ANK2: variants seen among roughly 807,000 people sequenced by gnomAD.
ANK2 encodes ankyrin-2.
Under a neutral mutation model 360.5 loss-of-function variants are expected in ANK2, and 83 were observed. The ratio of observed to expected loss-of-function variants is 0.23; its 90% confidence interval spans 0.19 to 0.28. The LOEUF (loss-of-function observed/expected upper bound fraction) is 0.28. Among genes scored for constraint, ANK2 ranks in the 10% least tolerant of loss-of-function variants. The pLI is 1.00. For missense variants in ANK2, 4,201 were observed against 4,795.7 expected, an observed-to-expected ratio of 0.88 and a Z score of 3.66; for synonymous variants, 1,740 against 1,759.5, an observed-to-expected ratio of 0.99 and a Z score of 0.28.
intron 1 of ANK2, among the ~76,000 whole-genome samples, chr4:113,124,105 C>G (rs533540276): frequency 6.6e-6 from 1 of 152,150 alleles, no homozygotes; most frequent in East Asian, 1.9e-4. Context: ...TAAGCTCAAA[C>G]AGGTGGAGAA....
chr4:112,788,171 C>A, the ANK2 span: 3 of 1,583,852 alleles, frequency 1.9e-6, no homozygotes, highest in South Asian at 3.3e-5. Context: ...GATGTTGCCA[C>A]CCCAGTGACG....
In ANK2 at chr4:113,300,075, T is replaced by C. The variant is rs749038586; in HGVS notation, c.2476-2692T>C. On this transcript the variant is annotated intron_variant, in intron 22 of 45. Coordinates refer to ENST00000357077, the MANE Select transcript of ANK2 (RefSeq NM_001148.6). ...AAAATTTATAATATTAAAATAATAA[T>C]CAAATTGTATATTATAATAGTCTTT... Among the ~76,000 whole-genome samples, 21 of 152,110 alleles carry C rather than the reference T, an allele frequency of 1.4e-4. No homozygotes were observed. In the East Asian group the frequency reaches 2.3e-3, roughly 17 times the overall value.
chr4:112,872,026 AT>A (rs752922331), intron 1 of ANK2, among the ~76,000 whole-genome samples: 1,999 of 121,544 alleles, frequency 0.016, 16 homozygotes, highest in East Asian at 0.04. Flanking sequence ...TTGCATCTGT[AT>A]TTTTTTTTTT....
At chr4:112,734,229 C>A in the ANK2 span, among the ~76,000 whole-genome samples, 1 of 152,154 alleles carries the variant, frequency 6.6e-6, no homozygotes, top group Non-Finnish European at 1.5e-5. Context: ...CAATTTTAAG[C>A]CTACTCACAG....
chr4:113,284,235 C>T (rs1056796408), intron 18 of ANK2, among the ~76,000 whole-genome samples: 1 of 152,234 alleles, frequency 6.6e-6, no homozygotes, highest in South Asian at 2.1e-4. Context: ...TGACTGTTGA[C>T]GTCATGTCAT....
At chr4:112,805,676 G>T in the ANK2 span, among the ~76,000 whole-genome samples, 3 of 151,578 alleles carry the variant, frequency 2.0e-5, no homozygotes, top group Admixed American at 2.0e-4. Context: ...CTGCCTCCCG[G>T]GTTCAAGCGA....
intron 1 of ANK2, among the ~76,000 whole-genome samples, chr4:112,851,599 G>A (rs1425712255): frequency 1.1e-4 from 16 of 151,828 alleles, no homozygotes; most frequent in African/African-American, 7.3e-5. Context: ...CCATAGAGTC[G>A]AATATTAAAG....
intron 45 of ANK2, among the ~76,000 whole-genome samples, chr4:113,380,818 T>C (rs1379060632): frequency 6.6e-6 from 1 of 152,210 alleles, no homozygotes; most frequent in Non-Finnish European, 1.5e-5. Flanking sequence ...CAATGGCTTT[T>C]CTCTTTTCCC....
At chr4:113,144,960 C>T (rs1246137260) in intron 1 of ANK2, among the ~76,000 whole-genome samples, 1 of 151,690 alleles carries the variant, frequency 6.6e-6, no homozygotes, top group East Asian at 1.9e-4. Context: ...TTGCTATGCT[C>T]ATCTCAGTGG....
chr4:112,913,174 T>A (rs974215390), intron 2 of ANK2, among the ~76,000 whole-genome samples: 2 of 152,182 alleles, frequency 1.3e-5, no homozygotes, highest in African/African-American at 4.8e-5. Context: ...TCCAAATTAT[T>A]TGATAATAGC....
intron 2 of ANK2, among the ~76,000 whole-genome samples, chr4:113,040,199 G>T (rs188714369): frequency 6.6e-6 from 1 of 151,984 alleles, no homozygotes; most frequent in Non-Finnish European, 1.5e-5. Context: ...CTAGCCGGGA[G>T]CATGTACATG....
chr4:113,334,509 G>A (rs896013536), intron 29 of ANK2, among the ~76,000 whole-genome samples: 1 of 150,508 alleles, frequency 6.6e-6, no homozygotes, highest in Admixed American at 6.6e-5. Flanking sequence ...TTTTTACATG[G>A]GTATTAATAG....
intron 2 of ANK2, among the ~76,000 whole-genome samples, chr4:113,036,258 A>C (rs2061570177): frequency 1.3e-5 from 2 of 151,882 alleles, no homozygotes; most frequent in South Asian, 4.1e-4. Flanking sequence ...TAGTAAAAAA[A>C]AAAAAAAATA....
rs1366670642 is a variant in ANK2 at position 113,382,981 on chromosome 4, C to T, written c.*1510C>T. ...TTTCCATGTCCTCTTCCTTATTCCT[C>T]TAGTGGTTGAAGCTGTGTAGCATTT... On this transcript the variant is annotated 3_prime_UTR_variant, in exon 46 of 46. Transcript: ENST00000357077. The T allele has an allele frequency of 6.6e-6, 1 of 152,552 alleles. No individual in the cohort carries two copies. Among genetic ancestry groups the T allele is most frequent in the Non-Finnish European group, 1.5e-5 (1 of 68,026 alleles). The allele number at this position is 152,552 out of a possible 1,614,324, so 9.4% of individuals were successfully genotyped here.
At chr4:112,732,316 C>T in the ANK2 span, among the ~76,000 whole-genome samples, 29 of 145,368 alleles carry the variant, frequency 2.0e-4, 1 homozygote, top group African/African-American at 6.7e-4. Flanking sequence ...GTGGCATGAT[C>T]GTAGCTCACT....
chr4:113,121,071 T>C (rs569249499), intron 1 of ANK2, among the ~76,000 whole-genome samples: 1 of 152,312 alleles, frequency 6.6e-6, no homozygotes, highest in Admixed American at 6.5e-5. Context: ...TTTTAATTTA[T>C]ACTATTAAAA....
Position 112,901,463 on chromosome 4 carries a change from A to G in ANK2, c.-39-2992A>G, listed in dbSNP as rs551182485. Among the ~76,000 whole-genome samples, 56 of 152,334 alleles carry G rather than the reference A, an allele frequency of 3.7e-4. 2 individuals carry two copies. The South Asian group carries it at 4.8e-3, about 13-fold the overall frequency. Reference sequence around the variant, plus strand: ...TTTTTAAATAAAGTTTAGGGAGGAAAGAGATGCTGATAAGCTGATGCTGAA... The same window carrying G: ...TTTTTAAATAAAGTTTAGGGAGGAAGGAGATGCTGATAAGCTGATGCTGAA... On this transcript the variant is annotated intron_variant, in intron 1 of 30. Coordinates refer to the ANK2 transcript ENST00000503271.
chr4:112,827,436 T>C, intron 1 of ANK2: 1 of 1,385,704 alleles, frequency 7.2e-7, no homozygotes, highest in Non-Finnish European at 1.0e-6. Context: ...AACTTGGAAG[T>C]GAGGGCTTAA....
chr4:113,164,813 G>A (rs1487099899), intron 1 of ANK2, among the ~76,000 whole-genome samples: 13 of 152,160 alleles, frequency 8.5e-5, no homozygotes, highest in Non-Finnish European at 1.5e-4. Flanking sequence ...AGTGGGATGA[G>A]CTCTAATATA....
Sources: gnomAD v4.1 joint callset for allele counts (sites outside exome capture counted in the v4.1 genomes callset) on GRCh38, gnomAD v4.1.1 for gene constraint, MANE v1.5 for transcripts, NCBI Gene and HGNC (gene_info 2026-07-23, HGNC 2026-07-21) for gene names.